Variants in RNF157 observed in about 807,000 individuals in gnomAD.
RNF157 encodes ring finger protein 157, also known as E3 ubiquitin ligase RNF157.
RNF157 carries 55 observed loss-of-function variants against 88.3 expected under a neutral mutation model. That is an observed-to-expected ratio of 0.62 (90% CI 0.50 to 0.78). The LOEUF (loss-of-function observed/expected upper bound fraction) is 0.78. Among genes scored for constraint, RNF157 ranks in the 30% least tolerant of loss-of-function variants. The probability of loss-of-function intolerance (pLI) is 0.00; values close to 1 mark genes in which losing one functional copy is unlikely to be tolerated. For missense variants in RNF157, 788 were observed against 860.8 expected, an observed-to-expected ratio of 0.92 and a Z score of 1.06; for synonymous variants, 334 against 341.2, an observed-to-expected ratio of 0.98 and a Z score of 0.23.
intron 1 of RNF157, among the ~76,000 whole-genome samples, chr17:76,223,497 TAC>T (rs2070024988): frequency 6.6e-6 from 1 of 152,198 alleles, no homozygotes; most frequent in South Asian, 2.1e-4. Context: ...CAAGGTTCTT[TAC>T]ACATAAACAA....
At chr17:76,217,647 G>A (rs182369084) in intron 1 of RNF157, among the ~76,000 whole-genome samples, 2 of 152,168 alleles carry the variant, frequency 1.3e-5, no homozygotes, top group Non-Finnish European at 2.9e-5. Flanking sequence ...CAGTGGTGGG[G>A]GAAAAGAACT....
rs906634655 is a variant in RNF157 at position 76,176,620 on chromosome 17, A to G, written c.208-2830T>C. 1.3e-5 allele frequency among the ~76,000 whole-genome samples: 2 copies of G among 152,064 alleles called. No individual in the cohort carries two copies. The highest frequency in any genetic ancestry group is 2.9e-5 in the Non-Finnish European group (2 of 67,976). On this transcript the variant is annotated intron_variant, in intron 2 of 18. Coordinates refer to ENST00000269391, the MANE Select transcript of RNF157 (RefSeq NM_052916.3). The surrounding 1 kb of genome is among the most constrained non-coding windows in gnomAD (Gnocchi z 4.2). ...CGGCTGCTGCAGGGGGGTCGCAGGG[A>G]GCAGACAGACAGCCCCTCCACAGCT... is the stretch of plus-strand genomic sequence containing the variant.
rs537381119 is a variant in RNF157 at position 76,147,405 on chromosome 17, C to T, written c.1922-2052G>A. On this transcript the variant is annotated intron_variant, in intron 18 of 18. Transcript: ENST00000269391. The stretch of plus-strand genomic sequence containing the variant: ...ACAGCAGCACCACCACCACCACCGC[C>T]GCCGCCACCACCAGCAAGCCATGGA... The T allele has an allele frequency of 3.9e-4, 351 of 904,890 alleles. 1 individual carries two copies. The African/African-American group carries it at 6.1e-3, about 16-fold the overall frequency. The allele number at this position is 904,890 out of a possible 1,614,324, so 56.1% of individuals were successfully genotyped here. A position where few individuals can be genotyped will look rare whatever the true frequency, so the allele number is the denominator to read the frequency against.
intron 1 of RNF157, among the ~76,000 whole-genome samples, chr17:76,221,618 G>C (rs1404562078): frequency 3.9e-5 from 6 of 152,016 alleles, no homozygotes; most frequent in African/African-American, 1.2e-4. Context: ...GACTTTCTTG[G>C]TACCAGCTAT....
In RNF157 at chr17:76,161,772, C is replaced by G. The variant is rs1020646759; in HGVS notation, c.952+71G>C. 6.4e-7 allele frequency: 1 copy of G among 1,570,580 alleles called. No individual in the cohort carries two copies. Among genetic ancestry groups the G allele is most frequent in the African/African-American group, 1.4e-5 (1 of 74,072 alleles). ...TTGTCAGATCCAGCAGCAGCACATGCTTCAGTGTTTTGTAAATGTCCTCTT... is the reference window on the plus strand; with the variant it reads ...TTGTCAGATCCAGCAGCAGCACATGGTTCAGTGTTTTGTAAATGTCCTCTT... On this transcript the variant is annotated intron_variant, in intron 10 of 18. Transcript: ENST00000269391. This position sits in a 1 kb window ranked among gnomAD's most constrained non-coding sequence, Gnocchi z 4.6.
intron 1 of RNF157, among the ~76,000 whole-genome samples, chr17:76,228,341 T>C (rs988934659): frequency 6.6e-6 from 1 of 152,188 alleles, no homozygotes; most frequent in Admixed American, 6.5e-5. Flanking sequence ...AGAACCCTTA[T>C]GCATTACAAT....
chr17:76,182,802 ATGAGAGAGATATATATCCTATATATCC>A (rs1292228202), intron 2 of RNF157, among the ~76,000 whole-genome samples: 30 of 128,260 alleles, frequency 2.3e-4, no homozygotes, highest in African/African-American at 1.1e-3. Flanking sequence ...AGATATATAT[ATGAGAGAGATATATATCCTATATATCC>A]TATATATGAT....
At chr17:76,184,986 C>T (rs1300415625) in intron 2 of RNF157, among the ~76,000 whole-genome samples, 1 of 152,220 alleles carries the variant, frequency 6.6e-6, no homozygotes, top group Non-Finnish European at 1.5e-5. Context: ...CTCTGTTCAC[C>T]TTAACAGGTG....
rs576839455 is a variant in RNF157 at position 76,145,441 on chromosome 17, C to T, written c.1922-88G>A. On this transcript the variant is annotated intron_variant, in intron 18 of 18. Coordinates refer to ENST00000269391, the MANE Select transcript of RNF157 (RefSeq NM_052916.3). ...CAGCAGGGCAGCCCAGGAGCCGGCA[C>T]GGAAGGAGCAGGATGCGTGTCACCT... 5.0e-4 allele frequency: 470 copies of T among 936,310 alleles called. 5 individuals are homozygous for T. In the South Asian group the frequency reaches 5.5e-3, roughly 11 times the overall value. The allele number at this position is 936,310 out of a possible 1,614,324, so 58.0% of individuals were successfully genotyped here.
At chr17:76,230,123 C>G (rs2070162031) in intron 1 of RNF157, among the ~76,000 whole-genome samples, 1 of 152,170 alleles carries the variant, frequency 6.6e-6, no homozygotes, top group African/African-American at 2.4e-5. Flanking sequence ...GGGGCAAAGA[C>G]AGCAAACTGG....
At chr17:76,154,760 G>A (rs1340174525) in intron 16 of RNF157, 3 of 226,968 alleles carry the variant, frequency 1.3e-5, no homozygotes. Flanking sequence ...ACTGTGAGCT[G>A]GCGTTCCACA....
chr17:76,215,995 G>A (rs1292257681), intron 1 of RNF157, among the ~76,000 whole-genome samples: 1 of 152,190 alleles, frequency 6.6e-6, no homozygotes, highest in African/African-American at 2.4e-5. Context: ...TTAAGTAGAA[G>A]CAGCAATCTC....
At position 76,195,986 on chromosome 17, in the gene RNF157, TC is replaced by T. The variant is rs1375686649; in HGVS notation, c.207+16377del. On this transcript the variant is annotated intron_variant, in intron 2 of 18. Transcript: ENST00000269391. This position sits in a 1 kb window ranked among gnomAD's most constrained non-coding sequence, Gnocchi z 4.4. The stretch of plus-strand genomic sequence containing the variant: ...TGACCCAATGACCCGGAAGGTACTA[TC>T]CTTCTTGAAATTTCTTTATAATTTG... Among the ~76,000 whole-genome samples, 1 of 152,200 alleles carries T rather than the reference TC, an allele frequency of 6.6e-6. No individual in the cohort carries two copies. Among genetic ancestry groups the T allele is most frequent in the Non-Finnish European group, 1.5e-5 (1 of 68,028 alleles).
intron 2 of RNF157, among the ~76,000 whole-genome samples, chr17:76,188,233 C>G (rs1338851028): frequency 6.6e-6 from 1 of 152,204 alleles, no homozygotes; most frequent in Non-Finnish European, 1.5e-5. Context: ...GACTTACGTT[C>G]TCTTGTACTG....
chr17:76,159,302 CG>C, intron 12 of RNF157, 32 bp downstream of exon 12: 3 of 1,567,182 alleles, frequency 1.9e-6, no homozygotes, highest in Middle Eastern at 1.8e-4. Context: ...TCAAGGATTC[CG>C]GGGGCAACAG....
chr17:76,177,782 G>A (rs2069128622), intron 2 of RNF157, among the ~76,000 whole-genome samples: 1 of 152,120 alleles, frequency 6.6e-6, no homozygotes, highest in South Asian at 2.1e-4. Context: ...CTACTCCAGT[G>A]CCTCCTCTCT....
chr17:76,168,602 T>C (rs1436616746), intron 3 of RNF157, among the ~76,000 whole-genome samples: 1 of 152,122 alleles, frequency 6.6e-6, no homozygotes, highest in Non-Finnish European at 1.5e-5. Context: ...CTTGGCCCTC[T>C]GCACCTGGCT....
chr17:76,166,945 AGT>A, intron 5 of RNF157, 62 bp downstream of exon 5: 1 of 1,092,024 alleles, frequency 9.2e-7, no homozygotes, highest in Non-Finnish European at 1.3e-6. Flanking sequence ...TGTCAGACCG[AGT>A]CCTAAGTAGC....
In RNF157 at chr17:76,156,279, A is replaced by G. The variant is rs1403730402; in HGVS notation, c.1456T>C (p.Ser486Pro). ...TPESENLTLS[S>P]SGAIDQSSCT... is the part of the protein sequence containing the mutation. ...GACGACTGGTCAATAGCTCCAGATG[A>G]CGACAAGGTGAGATTCTCACTTTCT... The change falls in exon 14 of 19, where the codon TCA (serine) becomes CCA (proline). Residue 486 changes from serine (S) to proline (P), a missense_variant. By Grantham distance (74) the Ser-to-Pro change is moderately conservative. Coordinates refer to ENST00000269391, the MANE Select transcript of RNF157 (RefSeq NM_052916.3). 1 of 1,614,102 alleles carries G rather than the reference A, an allele frequency of 6.2e-7. No individual in the cohort carries two copies. Among genetic ancestry groups the G allele is most frequent in the Non-Finnish European group, 8.5e-7 (1 of 1,180,004 alleles).
Sources: allele counts gnomAD v4.1 joint callset (sites outside exome capture counted in the v4.1 genomes callset), GRCh38; gene constraint gnomAD v4.1.1; non-coding constraint Gnocchi (gnomAD v3.1); transcripts MANE v1.5; gene names NCBI Gene and HGNC (gene_info 2026-07-23, HGNC 2026-07-21).